The following TTLL5 variants were observed in gnomAD, a reference collection of about 807,000 sequenced individuals.
TTLL5 encodes the protein tubulin polyglutamylase TTLL5.
In TTLL5, 132 loss-of-function variants were observed where a neutral mutation model predicts 168.4. The observed-to-expected ratio is 0.78, with a 90% CI of 0.68 to 0.91. The LOEUF (loss-of-function observed/expected upper bound fraction) is 0.91. Among genes scored for constraint, TTLL5 ranks in the 40% least tolerant of loss-of-function variants. The probability of loss-of-function intolerance (pLI) is 0.00; values close to 1 mark genes in which losing one functional copy is unlikely to be tolerated. For synonymous variants in TTLL5, 546 were observed against 558.6 expected (o/e 0.98, Z 0.32); for missense variants, 1,545 against 1,581.5 (o/e 0.98, Z 0.39).
intron 27 of TTLL5, among the ~76,000 whole-genome samples, chr14:75,801,258 G>T (rs1341176761): frequency 2.0e-5 from 3 of 152,100 alleles, no homozygotes; most frequent in Non-Finnish European, 2.9e-5. Context: ...CGTTCCCAGA[G>T]GGATTATGGC....
chr14:75,820,197 C>T (rs1427457827), intron 28 of TTLL5, 36 bp downstream of exon 28: 1 of 1,537,172 alleles, frequency 6.5e-7, no homozygotes, highest in Non-Finnish European at 8.7e-7. Flanking sequence ...ATTTGGGTTA[C>T]TCAGGGATGG....
intron 27 of TTLL5, among the ~76,000 whole-genome samples, chr14:75,805,020 T>C (rs1171645773): frequency 2.0e-5 from 3 of 152,208 alleles, no homozygotes; most frequent in African/African-American, 7.2e-5. Flanking sequence ...AAACTTCTTT[T>C]AAAATAACAC....
intron 30 of TTLL5, chr14:75,887,415 T>A: frequency 1.3e-6 from 1 of 787,728 alleles, no homozygotes; most frequent in South Asian, 5.8e-5. Flanking sequence ...GATACCATAT[T>A]GTGTGTTAAC....
At chr14:75,934,682 A>G (rs1353185473) in intron 31 of TTLL5, among the ~76,000 whole-genome samples, 1 of 152,220 alleles carries the variant, frequency 6.6e-6, no homozygotes, top group Non-Finnish European at 1.5e-5. Context: ...AGCACAGTCA[A>G]ACTATAATGT....
At chr14:75,810,207 A>G (rs2140388431) in intron 27 of TTLL5, among the ~76,000 whole-genome samples, 1 of 152,328 alleles carries the variant, frequency 6.6e-6, no homozygotes, top group East Asian at 1.9e-4. Flanking sequence ...ACCTTCTCAG[A>G]CAAGAATTAT....
intron 28 of TTLL5, among the ~76,000 whole-genome samples, chr14:75,820,961 C>A (rs1894798532): frequency 6.6e-6 from 1 of 152,106 alleles, no homozygotes; most frequent in African/African-American, 2.4e-5. Context: ...TTGTTCCCTC[C>A]AACCAAAGAA....
chr14:75,724,530 T>A (rs1888064774), intron 12 of TTLL5, among the ~76,000 whole-genome samples: 1 of 152,188 alleles, frequency 6.6e-6, no homozygotes. Context: ...GATTTGCACA[T>A]CTGGCAAGGA....
chr14:75,692,874 T>C (rs1230219171), intron 6 of TTLL5, among the ~76,000 whole-genome samples: 1 of 152,182 alleles, frequency 6.6e-6, no homozygotes. Context: ...TAGTGTGTTT[T>C]GCAGGTGGCA....
intron 31 of TTLL5, among the ~76,000 whole-genome samples, chr14:75,908,477 G>A (rs111826406): frequency 3.3e-4 from 50 of 152,324 alleles, no homozygotes; most frequent in African/African-American, 1.1e-3. Flanking sequence ...TGTCATCACC[G>A]GCCATGACAG....
chr14:75,733,464 T>C (rs1308734857), intron 13 of TTLL5, among the ~76,000 whole-genome samples: 4 of 152,188 alleles, frequency 2.6e-5, no homozygotes, highest in African/African-American at 9.6e-5. Context: ...ATTTTTTTTT[T>C]TCTTTTTTTG....
At chr14:75,856,894 G>A (rs1289930774) in intron 28 of TTLL5, among the ~76,000 whole-genome samples, 2 of 152,092 alleles carry the variant, frequency 1.3e-5, no homozygotes, top group South Asian at 4.2e-4. Context: ...CAAGTGCTGG[G>A]ATTACAGGCG....
At position 75,764,821 on chromosome 14, in the gene TTLL5, G is replaced by C. The variant is rs532878331; in HGVS notation, c.1708+49G>C. 5.0e-6 allele frequency: 8 copies of C among 1,607,350 alleles called. No homozygotes were observed. In the Admixed American group the frequency reaches 6.7e-5, roughly 13 times the overall value. On this transcript the variant is annotated intron_variant, in intron 19 of 31. Coordinates refer to ENST00000298832, the MANE Select transcript of TTLL5 (RefSeq NM_015072.5). Reference sequence around the variant, plus strand: ...AAACTCCCTTATCTGGATCCTGCCAGACTGAGTTAACCAGCTGCTTACTCA... The same window carrying C: ...AAACTCCCTTATCTGGATCCTGCCACACTGAGTTAACCAGCTGCTTACTCA...
chr14:75,829,377 G>A (rs1382850641), intron 28 of TTLL5, among the ~76,000 whole-genome samples: 1 of 152,068 alleles, frequency 6.6e-6, no homozygotes, highest in Non-Finnish European at 1.5e-5. Context: ...AACACATATG[G>A]TATATAATGT....
chr14:75,855,377 G>A (rs1383352877), intron 28 of TTLL5, among the ~76,000 whole-genome samples: 1 of 152,168 alleles, frequency 6.6e-6, no homozygotes, highest in Non-Finnish European at 1.5e-5. Flanking sequence ...GATTGATACT[G>A]GAGATGAATC....
chr14:75,721,323 T>A (rs1887822156), intron 12 of TTLL5, among the ~76,000 whole-genome samples: 1 of 152,186 alleles, frequency 6.6e-6, no homozygotes, highest in African/African-American at 2.4e-5. Context: ...ATGGTAGCAC[T>A]GAGGGTGCCT....
Position 75,861,940 on chromosome 14 carries a change from C to T in TTLL5, c.3327-1727C>T, listed in dbSNP as rs80147868. ...ATTTATACTGTTTTGCAACTATTAG[C>T]CACCATCTGTCTCCAGAACTTTGTC... On this transcript the variant is annotated intron_variant, in intron 28 of 31. Coordinates refer to ENST00000298832, the MANE Select transcript of TTLL5 (RefSeq NM_015072.5). 4.4e-3 allele frequency among the ~76,000 whole-genome samples: 664 copies of T among 152,284 alleles called. 5 individuals are homozygous for T. The highest frequency in any genetic ancestry group is 0.01 in the Middle Eastern group (3 of 294).
chr14:75,904,005 C>T (rs992445260), intron 31 of TTLL5: 13 of 814,430 alleles, frequency 1.6e-5, no homozygotes, highest in African/African-American at 5.6e-5. Flanking sequence ...ATAGGGAAGG[C>T]GCTATAACTA....
At chr14:75,909,561 G>A (rs1408516492) in intron 31 of TTLL5, among the ~76,000 whole-genome samples, 3 of 151,972 alleles carry the variant, frequency 2.0e-5, no homozygotes, top group East Asian at 1.9e-4. Flanking sequence ...ACCTTCCTTC[G>A]GAGCCTTGTT....
At chr14:75,945,457 A>G (rs1039602496) in intron 31 of TTLL5, among the ~76,000 whole-genome samples, 2 of 151,608 alleles carry the variant, frequency 1.3e-5, no homozygotes, top group Non-Finnish European at 2.9e-5. Flanking sequence ...GGGTGTCACC[A>G]TGTTGGTCAG....
Sources: allele counts gnomAD v4.1 joint callset (sites outside exome capture counted in the v4.1 genomes callset), GRCh38; gene constraint gnomAD v4.1.1; transcripts MANE v1.5; gene names NCBI Gene and HGNC (gene_info 2026-07-23, HGNC 2026-07-21).